ACAD11: variants seen among roughly 807,000 people sequenced by gnomAD.
ACAD11 encodes acyl-CoA dehydrogenase family member 11, also known as acyl-Coenzyme A dehydrogenase family, member 11.
ACAD11 carries 83 observed loss-of-function variants against 102.2 expected under a neutral mutation model. The observed-to-expected ratio is 0.81, with a 90% confidence interval of 0.68 to 0.97. The LOEUF (loss-of-function observed/expected upper bound fraction) is 0.97, where lower values mean the gene tolerates loss of function less well. ACAD11 is among the 50% of genes least tolerant of loss of function. The pLI is 0.00. For missense variants in ACAD11, 901 were observed against 951.7 expected, an observed-to-expected ratio of 0.95 and a Z score of 0.70; for synonymous variants, 324 against 319.8, an observed-to-expected ratio of 1.01 and a Z score of -0.14.
intron 11 of ACAD11, among the ~76,000 whole-genome samples, chr3:132,614,360 T>G (rs1214429748): frequency 1.3e-5 from 2 of 152,222 alleles, no homozygotes; most frequent in African/African-American, 4.8e-5. Context: ...AGAGCCCATA[T>G]AGTCAAGACA....
Position 132,604,098 on chromosome 3 carries a change from C to T in ACAD11, c.1523-771G>A, listed in dbSNP as rs111701263. ...AATAAATGCCTATTACTGATTTAAA[C>T]GGAGATCAGTTCTGCTATTATAGTA... On this transcript the variant is annotated intron_variant, in intron 12 of 19. Transcript: ENST00000264990. 8.1e-4 allele frequency among the ~76,000 whole-genome samples: 123 copies of T among 152,178 alleles called. 1 individual carries two copies. Among genetic ancestry groups the T allele is most frequent in the African/African-American group, 2.3e-3 (97 of 41,542 alleles).
At chr3:132,621,135 T>C (rs970477760) in intron 9 of ACAD11, 2 of 152,146 alleles carry the variant, frequency 1.3e-5, no homozygotes. Flanking sequence ...AAATTACTCT[T>C]AAAAGTTTTC....
intron 2 of ACAD11, among the ~76,000 whole-genome samples, chr3:132,643,701 G>A (rs944089923): frequency 3.3e-5 from 5 of 152,090 alleles, no homozygotes; most frequent in Non-Finnish European, 5.9e-5. Flanking sequence ...GGAAAGAAGT[G>A]TTAACCACTC....
chr3:132,612,240 A>T (rs1235769454), intron 11 of ACAD11, among the ~76,000 whole-genome samples: 1 of 152,090 alleles, frequency 6.6e-6, no homozygotes, highest in Non-Finnish European at 1.5e-5. Context: ...TGGATTAAAG[A>T]CTTACATGTT....
At chr3:132,656,691 A>C (rs1196247997) in intron 1 of ACAD11, among the ~76,000 whole-genome samples, 1 of 151,954 alleles carries the variant, frequency 6.6e-6, no homozygotes, top group Non-Finnish European at 1.5e-5. Flanking sequence ...ACGGGGTTTC[A>C]CCATGTTGGC....
intron 12 of ACAD11, 192 bp downstream of exon 12, chr3:132,604,906 G>A: frequency 2.1e-6 from 1 of 466,952 alleles, no homozygotes; most frequent in Non-Finnish European, 3.9e-6. Context: ...TCTAACAAAG[G>A]AGAGGATCAT....
chr3:132,598,609 G>A (rs1241973955), intron 13 of ACAD11, among the ~76,000 whole-genome samples: 1 of 152,222 alleles, frequency 6.6e-6, no homozygotes, highest in Admixed American at 6.5e-5. Context: ...AAGTCTTCTG[G>A]GGAGGTCGCA....
intron 8 of ACAD11, among the ~76,000 whole-genome samples, chr3:132,627,695 T>C (rs1042186221): frequency 6.6e-6 from 1 of 152,160 alleles, no homozygotes; most frequent in Non-Finnish European, 1.5e-5. Flanking sequence ...AAAGAAGACC[T>C]GTAAAGGTCA....
At chr3:132,641,620 G>C (rs1352242374) in intron 4 of ACAD11, among the ~76,000 whole-genome samples, 1 of 140,144 alleles carries the variant, frequency 7.1e-6, no homozygotes, top group Non-Finnish European at 1.5e-5. Flanking sequence ...AAGAAGAGGA[G>C]GAAGAAGAGG....
chr3:132,649,073 G>A (rs556377483), intron 1 of ACAD11, among the ~76,000 whole-genome samples: 1 of 152,362 alleles, frequency 6.6e-6, no homozygotes, highest in African/African-American at 2.4e-5. Flanking sequence ...CGATAAACCA[G>A]GGGCACAATG....
intron 13 of ACAD11, among the ~76,000 whole-genome samples, chr3:132,582,767 G>A (rs1201077504): frequency 6.6e-6 from 1 of 152,068 alleles, no homozygotes; most frequent in Non-Finnish European, 1.5e-5. Flanking sequence ...GGGTGACTCT[G>A]TTCACCTCCA....
At chr3:132,632,947 T>A (rs1000197260) in intron 5 of ACAD11, among the ~76,000 whole-genome samples, 1 of 152,268 alleles carries the variant, frequency 6.6e-6, no homozygotes, top group African/African-American at 2.4e-5. Flanking sequence ...TTTGCTGAAG[T>A]TGCTTATCAG....
chr3:132,652,763 G>A (rs1312069438), intron 1 of ACAD11, among the ~76,000 whole-genome samples: 3 of 152,114 alleles, frequency 2.0e-5, no homozygotes, highest in Non-Finnish European at 2.9e-5. Context: ...GCTAAGCAAA[G>A]GTGTGATCTA....
At chr3:132,628,587 G>T in intron 7 of ACAD11, 141 bp from the exon 8 acceptor site, 1 of 555,410 alleles carries the variant, frequency 1.8e-6, no homozygotes, top group Non-Finnish European at 3.1e-6. Context: ...CGATATTAAT[G>T]TACATGCAGG....
At chr3:132,569,005 A>C (rs918873502) in intron 17 of ACAD11, among the ~76,000 whole-genome samples, 1 of 152,066 alleles carries the variant, frequency 6.6e-6, no homozygotes, top group Non-Finnish European at 1.5e-5. Context: ...GACAAATTAG[A>C]GTTCATTAAA....
chr3:132,639,744 T>C, intron 4 of ACAD11, 88 bp from the exon 5 acceptor site: 1 of 1,265,242 alleles, frequency 7.9e-7, no homozygotes, highest in Non-Finnish European at 1.1e-6. Flanking sequence ...ATTCAAATGC[T>C]GTTTTACTCC....
Position 132,579,479 on chromosome 3 carries a change from A to G in ACAD11, c.1688+13T>C. ...TTCCTACACAGGTTTCTCAATCAGAATTGTTTAATTACCTGGAGAGAGAAG... is the reference window on the plus strand; with the variant it reads ...TTCCTACACAGGTTTCTCAATCAGAGTTGTTTAATTACCTGGAGAGAGAAG... On this transcript the variant is annotated intron_variant, in intron 14 of 19. Transcript: ENST00000264990. 1.2e-6 allele frequency: 2 copies of G among 1,607,658 alleles called. No individual in the cohort carries two copies. Among genetic ancestry groups the G allele is most frequent in the Non-Finnish European group, 8.5e-7 (1 of 1,175,298 alleles).
rs1936969037 is a variant in ACAD11 at position 132,559,061 on chromosome 3, A to G, written c.2253T>C (p.Arg751=). The G allele has an allele frequency of 3.7e-6, 6 of 1,613,724 alleles. No homozygotes were observed. The highest frequency in any genetic ancestry group is 5.1e-6 in the Non-Finnish European group (6 of 1,179,750). ...ANMYAITRVL[R]LADGPDEVHL... ...GAACTTCGTCAGGTCCATCTGCTAAACGCAAAACTCGGGTTATAGCATACC... is the reference window on the plus strand; with the variant it reads ...GAACTTCGTCAGGTCCATCTGCTAAGCGCAAAACTCGGGTTATAGCATACC... The change falls in exon 20 of 20, where the codon CGT becomes CGC. Residue 751 remains arginine (R), a synonymous_variant. Coordinates refer to ENST00000264990, the MANE Select transcript of ACAD11 (RefSeq NM_032169.5).
intron 15 of ACAD11, chr3:132,578,576 A>G: frequency 5.5e-6 from 1 of 182,516 alleles, no homozygotes; most frequent in South Asian, 1.9e-4. Context: ...TATTCTATAA[A>G]TTCTATAATT....
Sources: allele counts gnomAD v4.1 joint callset (sites outside exome capture counted in the v4.1 genomes callset), GRCh38; gene constraint gnomAD v4.1.1; transcripts MANE v1.5; gene names NCBI Gene and HGNC (gene_info 2026-07-23, HGNC 2026-07-21).